DLG2: variants seen among roughly 807,000 people sequenced by gnomAD.
The protein encoded by DLG2 is disks large homolog 2.
A neutral mutation model predicts 132.5 loss-of-function variants in DLG2; 45 were observed. That is an observed-to-expected ratio of 0.34 (90% CI 0.27 to 0.44). The LOEUF (loss-of-function observed/expected upper bound fraction) is 0.44. Ranked by LOEUF, DLG2 falls within the 20% of genes least tolerant of loss-of-function variation. The pLI, the probability that DLG2 is intolerant of heterozygous loss-of-function variation, is 1.00. For missense variants in DLG2, 1,045 were observed against 1,196.9 expected (o/e 0.87, Z 1.87); for synonymous variants, 424 against 419.6 (o/e 1.01, Z -0.13).
At chr11:84,689,357 T>C (rs1024283798) in intron 6 of DLG2, among the ~76,000 whole-genome samples, 1 of 151,686 alleles carries the variant, frequency 6.6e-6, no homozygotes, top group Non-Finnish European at 1.5e-5. Flanking sequence ...TATTAATGAA[T>C]GTTTCTATTG....
intron 6 of DLG2, among the ~76,000 whole-genome samples, chr11:84,859,118 C>T (rs905960185): frequency 2.6e-5 from 4 of 151,690 alleles, no homozygotes; most frequent in Non-Finnish European, 5.9e-5. Flanking sequence ...ATACGAAGCA[C>T]CTAGCATAAT....
intron 6 of DLG2, among the ~76,000 whole-genome samples, chr11:84,717,017 C>T (rs376710944): frequency 5.0e-4 from 76 of 152,084 alleles, no homozygotes; most frequent in African/African-American, 1.6e-3. Flanking sequence ...TGCAACAAGA[C>T]GGACCCTGGA....
intron 6 of DLG2, among the ~76,000 whole-genome samples, chr11:85,004,223 G>C (rs1287788948): frequency 6.6e-6 from 1 of 152,104 alleles, no homozygotes; most frequent in Non-Finnish European, 1.5e-5. Context: ...ATAATCCTTT[G>C]GGTATATACC....
At chr11:84,017,982 A>T (rs558361891) in intron 11 of DLG2, among the ~76,000 whole-genome samples, 23 of 151,876 alleles carry the variant, frequency 1.5e-4, no homozygotes, top group African/African-American at 5.5e-4. Context: ...CTTTTATTTT[A>T]TCATTGGTTT....
chr11:84,568,836 C>A (rs550635064), intron 6 of DLG2, among the ~76,000 whole-genome samples: 17 of 152,300 alleles, frequency 1.1e-4, no homozygotes, highest in African/African-American at 3.8e-4. Flanking sequence ...AATAGCTACT[C>A]AACTCAGCCA....
At chr11:84,442,502 G>T (rs2099020282) in intron 7 of DLG2, among the ~76,000 whole-genome samples, 1 of 151,974 alleles carries the variant, frequency 6.6e-6, no homozygotes, top group African/African-American at 2.4e-5. Context: ...CCCAGGGAGG[G>T]GAACATCACA....
intron 7 of DLG2, among the ~76,000 whole-genome samples, chr11:84,406,141 T>TC (rs2154449850): frequency 6.6e-6 from 1 of 152,146 alleles, no homozygotes; most frequent in East Asian, 1.9e-4. Context: ...CTCTGAAAAC[T>TC]CCCCCTACTG....
intron 7 of DLG2, among the ~76,000 whole-genome samples, chr11:84,504,766 C>A (rs1264806534): frequency 6.6e-6 from 1 of 152,058 alleles, no homozygotes; most frequent in African/African-American, 2.4e-5. Flanking sequence ...TGGAAGCTGA[C>A]AGTTTGACCT....
At chr11:83,599,923 A>T (rs898646468) in intron 19 of DLG2, among the ~76,000 whole-genome samples, 1 of 152,178 alleles carries the variant, frequency 6.6e-6, no homozygotes, top group Non-Finnish European at 1.5e-5. Context: ...TGGAAAATCT[A>T]TATTTCTAGG....
intron 5 of DLG2, among the ~76,000 whole-genome samples, chr11:85,115,079 G>C (rs952582900): frequency 2.0e-5 from 3 of 151,852 alleles, no homozygotes; most frequent in African/African-American, 7.2e-5. Context: ...ATAAACAAAG[G>C]AGTTTTTTTT....
At chr11:84,615,374 C>T (rs1054118786) in intron 6 of DLG2, among the ~76,000 whole-genome samples, 3 of 152,054 alleles carry the variant, frequency 2.0e-5, no homozygotes, top group African/African-American at 7.2e-5. Context: ...ACACTAACTA[C>T]TAATTACTGC....
At chr11:84,479,579 TA>T (rs1330559019) in intron 7 of DLG2, among the ~76,000 whole-genome samples, 3 of 152,144 alleles carry the variant, frequency 2.0e-5, no homozygotes, top group African/African-American at 4.8e-5. Context: ...GTCCTTAAAT[TA>T]TTTTTGAAAT....
intron 6 of DLG2, among the ~76,000 whole-genome samples, chr11:85,003,159 A>C (rs774667702): frequency 6.6e-6 from 1 of 152,212 alleles, no homozygotes; most frequent in East Asian, 1.9e-4. Flanking sequence ...AATTGTTCTG[A>C]GCTAATAAAA....
intron 17 of DLG2, among the ~76,000 whole-genome samples, chr11:83,788,136 A>G (rs1168600243): frequency 6.6e-6 from 1 of 152,202 alleles, no homozygotes; most frequent in Non-Finnish European, 1.5e-5. Flanking sequence ...CACGTTCAAA[A>G]TGTATAATCG....
At chr11:84,943,957 TTGTC>T (rs1415466986) in intron 6 of DLG2, among the ~76,000 whole-genome samples, 1 of 152,192 alleles carries the variant, frequency 6.6e-6, no homozygotes, top group Non-Finnish European at 1.5e-5. Context: ...CACCTTTTGT[TTGTC>T]TGGGAAAGTC....
Position 83,842,899 on chromosome 11 carries a change from T to G in DLG2, c.1566-9129A>C, listed in dbSNP as rs1479933225. On this transcript the variant is annotated intron_variant, in intron 16 of 27. Transcript: ENST00000376104. ...CATTCGTGGGCTATTCCTTGAACTC[T>G]GAGCGTCTGGGGGCTTGGGAAGTTA... Among the ~76,000 whole-genome samples the G allele has an allele frequency of 3.6e-4, 54 of 152,008 alleles. 1 individual carries two copies. The highest frequency in any genetic ancestry group is 7.2e-4 in the Non-Finnish European group (49 of 67,990).
chr11:84,125,607 C>T (rs1362519186), intron 9 of DLG2, among the ~76,000 whole-genome samples: 1 of 152,210 alleles, frequency 6.6e-6, no homozygotes, highest in Non-Finnish European at 1.5e-5. Flanking sequence ...ATCACAAGTT[C>T]TACCACTGTA....
At chr11:84,227,171 G>T (rs1201936516) in intron 8 of DLG2, among the ~76,000 whole-genome samples, 1 of 151,994 alleles carries the variant, frequency 6.6e-6, no homozygotes. Context: ...GAGGAGGGGT[G>T]AGGCTTCATG....
chr11:84,540,010 T>G (rs2099364294), intron 6 of DLG2, among the ~76,000 whole-genome samples: 2 of 151,982 alleles, frequency 1.3e-5, no homozygotes, highest in South Asian at 4.1e-4. Flanking sequence ...GAAACGGGAA[T>G]CCTTCCTTAC....
Sources: gnomAD v4.1 joint callset for allele counts (sites outside exome capture counted in the v4.1 genomes callset) on GRCh38, gnomAD v4.1.1 for gene constraint, MANE v1.5 for transcripts, NCBI Gene and HGNC (gene_info 2026-07-23, HGNC 2026-07-21) for gene names.